The following COL22A1 variants were observed in gnomAD, a reference collection of about 807,000 sequenced individuals.
The protein encoded by COL22A1 is collagen type XXII alpha 1 chain.
In COL22A1, 221 loss-of-function variants were observed where a neutral mutation model predicts 248.9. That is an observed-to-expected ratio of 0.89 (90% CI 0.80 to 0.99). The LOEUF (loss-of-function observed/expected upper bound fraction) is 0.99, where lower values mean the gene tolerates loss of function less well. COL22A1 is among the 50% of genes least tolerant of loss of function. COL22A1 has a pLI of 0.00. For missense variants in COL22A1, 2,240 were observed against 2,179.0 expected, an observed-to-expected ratio of 1.03 and a Z score of -0.56; for synonymous variants, 891 against 793.4, an observed-to-expected ratio of 1.12 and a Z score of -2.07.
intron 42 of COL22A1, among the ~76,000 whole-genome samples, chr8:138,662,853 G>T (rs1166512621): frequency 6.6e-6 from 1 of 152,066 alleles, no homozygotes; most frequent in Non-Finnish European, 1.5e-5. Context: ...TGGGTATAAG[G>T]AGCCCTGTAG....
chr8:138,696,313 A>C (rs1044062992), intron 32 of COL22A1, among the ~76,000 whole-genome samples: 2 of 152,180 alleles, frequency 1.3e-5, no homozygotes, highest in African/African-American at 4.8e-5. Flanking sequence ...GAGAGCTGGG[A>C]TGAGCATCTG....
chr8:138,841,034 C>T (rs1424972312), intron 4 of COL22A1, among the ~76,000 whole-genome samples: 1 of 152,070 alleles, frequency 6.6e-6, no homozygotes, highest in African/African-American at 2.4e-5. Flanking sequence ...TGTCTGTCTG[C>T]CTTCCTTCCT....
chr8:138,692,303 G>A (rs375577922), intron 35 of COL22A1, among the ~76,000 whole-genome samples: 13 of 676 alleles, frequency 0.019, no homozygotes, highest in East Asian at 0.19. Flanking sequence ...TGTTTGCGGA[G>A]GTGTATGTGT....
chr8:138,606,536 T>A, intron 57 of COL22A1, 84 bp from the exon 58 acceptor site: 2 of 1,333,754 alleles, frequency 1.5e-6, no homozygotes, highest in Non-Finnish European at 2.1e-6. Context: ...CACTCTGAAA[T>A]CAAAAGGCCT....
At chr8:138,720,895 CG>C in intron 26 of COL22A1, 103 bp from the exon 27 acceptor site, 1 of 964,182 alleles carries the variant, frequency 1.0e-6, no homozygotes, top group South Asian at 1.3e-5. Flanking sequence ...TACCTGCACT[CG>C]GGTGGTTTTG....
chr8:138,643,647 T>TAGATAGACAGACAGACAGACAGAC (rs568597361), intron 47 of COL22A1, among the ~76,000 whole-genome samples: 16 of 26,624 alleles, frequency 6.0e-4, no homozygotes, highest in African/African-American at 8.2e-4. Context: ...GATAGATAGA[T>TAGATAGACAGACAGACAGACAGAC]AGACAGATAG....
chr8:138,608,762 G>T (rs1818616783), intron 56 of COL22A1, among the ~76,000 whole-genome samples: 1 of 152,188 alleles, frequency 6.6e-6, no homozygotes, highest in Non-Finnish European at 1.5e-5. Context: ...CCCAGGCTGT[G>T]TTCGTCTCTT....
At chr8:138,675,465 T>A (rs1825434638) in intron 41 of COL22A1, among the ~76,000 whole-genome samples, 1 of 152,226 alleles carries the variant, frequency 6.6e-6, no homozygotes, top group Admixed American at 6.5e-5. Flanking sequence ...CCAGTTTATA[T>A]TCCAGTTGCA....
At chr8:138,590,184 T>C (rs1816917819) in intron 64 of COL22A1, among the ~76,000 whole-genome samples, 1 of 152,228 alleles carries the variant, frequency 6.6e-6, no homozygotes, top group African/African-American at 2.4e-5. Context: ...TGGTTAACCC[T>C]AGTAGTGACA....
At chr8:138,783,860 T>G (rs1452146194) in intron 12 of COL22A1, among the ~76,000 whole-genome samples, 2 of 152,188 alleles carry the variant, frequency 1.3e-5, no homozygotes, top group Non-Finnish European at 2.9e-5. Flanking sequence ...GGCTTACTCA[T>G]GCCCTTGTTG....
At chr8:138,603,143 C>T (rs985431747) in intron 59 of COL22A1, among the ~76,000 whole-genome samples, 2 of 152,218 alleles carry the variant, frequency 1.3e-5, no homozygotes, top group African/African-American at 4.8e-5. Context: ...TTCATCGCAT[C>T]CCTTTCATGC....
At chr8:138,740,785 T>G (rs1831495633) in intron 22 of COL22A1, among the ~76,000 whole-genome samples, 1 of 152,040 alleles carries the variant, frequency 6.6e-6, no homozygotes, top group Non-Finnish European at 1.5e-5. Context: ...CTTTCATGGG[T>G]CATCCATGAA....
intron 12 of COL22A1, among the ~76,000 whole-genome samples, chr8:138,787,154 G>A (rs1815605592): frequency 6.6e-6 from 1 of 152,184 alleles, no homozygotes; most frequent in Admixed American, 6.5e-5. Flanking sequence ...GGATGGGTCA[G>A]GGAGAAGAGT....
chr8:138,614,442 G>A (rs1819146136), intron 55 of COL22A1, among the ~76,000 whole-genome samples: 1 of 152,166 alleles, frequency 6.6e-6, no homozygotes, highest in Admixed American at 6.5e-5. Flanking sequence ...CAGAAACTTG[G>A]ACATGCTTCT....
At chr8:138,752,274 T>C (rs1432177910) in intron 21 of COL22A1, among the ~76,000 whole-genome samples, 1 of 152,240 alleles carries the variant, frequency 6.6e-6, no homozygotes, top group African/African-American at 2.4e-5. Flanking sequence ...GCTGTGACTC[T>C]ATCACCACTT....
At chr8:138,609,749 C>T (rs1818714224) in intron 56 of COL22A1, among the ~76,000 whole-genome samples, 1 of 152,024 alleles carries the variant, frequency 6.6e-6, no homozygotes. Context: ...AGGATAAGGG[C>T]CAAGACACAG....
At chr8:138,663,026 A>ACACACACACACACACACACG (rs1407777985) in intron 42 of COL22A1, among the ~76,000 whole-genome samples, 4 of 151,946 alleles carry the variant, frequency 2.6e-5, no homozygotes, top group African/African-American at 4.8e-5. Flanking sequence ...TCACACACAC[A>ACACACACACACACACACACG]CACACACACA....
intron 41 of COL22A1, among the ~76,000 whole-genome samples, chr8:138,676,035 A>T (rs1825478122): frequency 6.6e-6 from 1 of 152,132 alleles, no homozygotes; most frequent in Non-Finnish European, 1.5e-5. Context: ...CCTATAACTC[A>T]AAGTTTTAGC....
chr8:138,689,542 C>T (rs1826653723), intron 36 of COL22A1, among the ~76,000 whole-genome samples: 1 of 152,028 alleles, frequency 6.6e-6, no homozygotes, highest in Non-Finnish European at 1.5e-5. Context: ...ATGGTGAAAC[C>T]CCATCTCCAC....
Sources: allele counts gnomAD v4.1 joint callset (sites outside exome capture counted in the v4.1 genomes callset), GRCh38; gene constraint gnomAD v4.1.1; transcripts MANE v1.5; gene names NCBI Gene and HGNC (gene_info 2026-07-23, HGNC 2026-07-21).